Variants in ABHD3 observed in about 807,000 individuals in gnomAD.
ABHD3 encodes abhydrolase domain containing 3, phospholipase.
In ABHD3, 46 loss-of-function variants were observed where a neutral mutation model predicts 48.8. The ratio of observed to expected loss-of-function variants is 0.94; its 90% CI spans 0.74 to 1.20. The LOEUF is 1.20. Ranked by LOEUF, ABHD3 falls within the 50% of genes most tolerant of loss-of-function variation. ABHD3 has a pLI of 0.00. For synonymous variants in ABHD3, 192 were observed against 183.7 expected, an observed-to-expected ratio of 1.04 and a Z score of -0.36; for missense variants, 490 against 497.8, an observed-to-expected ratio of 0.98 and a Z score of 0.15.
intron 5 of ABHD3, among the ~76,000 whole-genome samples, chr18:21,662,966 G>A (rs953880076): frequency 9.2e-5 from 14 of 152,210 alleles, no homozygotes; most frequent in African/African-American, 3.4e-4. Context: ...ATGGGGGAAA[G>A]GAAAGTGACG....
chr18:21,664,047 A>C, intron 5 of ABHD3, 71 bp downstream of exon 5: 1 of 1,521,108 alleles, frequency 6.6e-7, no homozygotes. Flanking sequence ...GCTAGCTTAT[A>C]GTCCTCTCAA....
At chr18:21,669,164 T>C (rs2039703021) in intron 4 of ABHD3, among the ~76,000 whole-genome samples, 1 of 152,166 alleles carries the variant, frequency 6.6e-6, no homozygotes, top group Non-Finnish European at 1.5e-5. Flanking sequence ...GCTGTGATCA[T>C]GACACTGCAC....
In ABHD3 at chr18:21,679,472, C is replaced by T. The variant is rs552913492; in HGVS notation, c.555+4448G>A. On this transcript the variant is annotated intron_variant, in intron 4 of 8. Transcript: ENST00000289119. The stretch of plus-strand genomic sequence containing the variant: ...TACTTCTTATACCCTAATGATCTAA[C>T]GAGTTAATACAGTAGTAGTTATGCC... Among the ~76,000 whole-genome samples, 28 of 152,290 alleles carry T rather than the reference C, an allele frequency of 1.8e-4. 2 individuals are homozygous for T. Among genetic ancestry groups the T allele is most frequent in the South Asian group, 1.7e-3 (8 of 4,832 alleles).
intron 4 of ABHD3, chr18:21,683,441 A>G (rs1056372620): frequency 5.0e-6 from 2 of 398,616 alleles, no homozygotes; most frequent in Non-Finnish European, 1.1e-5. Flanking sequence ...TGTAAATTTC[A>G]TAAGTGGAAA....
intron 3 of ABHD3, among the ~76,000 whole-genome samples, chr18:21,699,620 T>C (rs1598565754): frequency 6.6e-6 from 1 of 152,346 alleles, no homozygotes; most frequent in East Asian, 1.9e-4. Flanking sequence ...CTTTGACCAG[T>C]AGCACTGTGG....
intron 4 of ABHD3, among the ~76,000 whole-genome samples, chr18:21,668,910 A>G (rs2039696419): frequency 6.6e-6 from 1 of 152,174 alleles, no homozygotes; most frequent in Admixed American, 6.5e-5. Context: ...ACACTGCAAT[A>G]GACACTTAAA....
chr18:21,697,804 A>G (rs531763565), intron 3 of ABHD3, among the ~76,000 whole-genome samples: 1 of 152,342 alleles, frequency 6.6e-6, no homozygotes, highest in South Asian at 2.1e-4. Flanking sequence ...ACAGAAAAGT[A>G]CTTTGTTAGT....
At chr18:21,699,530 A>G (rs2040459366) in intron 3 of ABHD3, among the ~76,000 whole-genome samples, 1 of 152,020 alleles carries the variant, frequency 6.6e-6, no homozygotes, top group Admixed American at 6.6e-5. Context: ...GGTAGGTTGC[A>G]AAAATATTTT....
intron 8 of ABHD3, 98 bp from the exon 9 acceptor site, chr18:21,651,861 T>C: frequency 9.1e-7 from 1 of 1,102,128 alleles, no homozygotes; most frequent in Non-Finnish European, 1.3e-6. Flanking sequence ...CTTTATCATG[T>C]CTAATAAACA....
intron 4 of ABHD3, among the ~76,000 whole-genome samples, chr18:21,681,866 G>C (rs1043596586): frequency 6.6e-6 from 1 of 152,164 alleles, no homozygotes; most frequent in Non-Finnish European, 1.5e-5. Context: ...GCCAGGTGCA[G>C]TGGCTCACAC....
intron 4 of ABHD3, among the ~76,000 whole-genome samples, chr18:21,668,076 G>A (rs529500984): frequency 8.6e-5 from 13 of 151,024 alleles, no homozygotes; most frequent in Admixed American, 3.3e-4. Flanking sequence ...TGGCAGGCAC[G>A]TGTAGTCCCA....
In ABHD3 at chr18:21,702,441, A is replaced by T; in HGVS notation, c.384T>A (p.Asp128Glu). 6.2e-7 allele frequency: 1 copy of T among 1,613,490 alleles called. No homozygotes were observed. Among genetic ancestry groups the T allele is most frequent in the Non-Finnish European group, 8.5e-7 (1 of 1,179,686 alleles). The change falls in exon 3 of 9, where the codon GAT becomes GAA. Residue 128 changes from aspartate (D) to glutamate (E), a missense_variant. Transcript: ENST00000289119. Reference sequence around the variant, plus strand: ...TGGCATCCATATAACACGTACTGTTATCATTATCAAACCAGTCCAGTGAAA... The same window carrying T: ...TGGCATCCATATAACACGTACTGTTTTCATTATCAAACCAGTCCAGTGAAA... ...GQISLDWFDN[D>E]NSTCYMDAST... is the part of the protein sequence containing the mutation.
intron 5 of ABHD3, among the ~76,000 whole-genome samples, chr18:21,661,598 T>A (rs908518108): frequency 9.2e-5 from 14 of 151,772 alleles, no homozygotes; most frequent in Non-Finnish European, 1.9e-4. Context: ...ACCACTGCAC[T>A]CCAGTCCAGG....
At chr18:21,670,657 T>C (rs1053101818) in intron 4 of ABHD3, among the ~76,000 whole-genome samples, 4 of 152,188 alleles carry the variant, frequency 2.6e-5, no homozygotes, top group African/African-American at 9.7e-5. Context: ...TTGCCACCTG[T>C]GACCTTCACC....
In ABHD3 at chr18:21,704,661, T is replaced by C; in HGVS notation, c.5A>G (p.Gln2Arg). ...CATCCGCAGGTCCATGGCCAGGCGCTGCATGGCCCCCGAGCGCGGCGCGCG... is the reference window on the plus strand; with the variant it reads ...CATCCGCAGGTCCATGGCCAGGCGCCGCATGGCCCCCGAGCGCGGCGCGCG... The part of the protein sequence containing the change: M[Q>R]RLAMDLRMLS... The change falls in exon 1 of 9, where the codon CAG becomes CGG. Residue 2 changes from glutamine (Q) to arginine (R), a missense_variant. Transcript: ENST00000289119. 6.7e-7 allele frequency: 1 copy of C among 1,499,586 alleles called. No homozygotes were observed. Among genetic ancestry groups the C allele is most frequent in the Non-Finnish European group, 8.9e-7 (1 of 1,126,424 alleles). The allele number at this position is 1,499,586 out of a possible 1,614,324, so 92.9% of individuals were successfully genotyped here. A position where few individuals can be genotyped will look rare whatever the true frequency, so the allele number is the denominator to read the frequency against.
intron 4 of ABHD3, among the ~76,000 whole-genome samples, chr18:21,666,135 G>A (rs1435845257): frequency 1.3e-5 from 2 of 152,044 alleles, no homozygotes; most frequent in Non-Finnish European, 2.9e-5. Context: ...CTGGGTTCAA[G>A]CAATTCTCCT....
intron 4 of ABHD3, among the ~76,000 whole-genome samples, chr18:21,667,970 G>A (rs2039672629): frequency 6.6e-6 from 1 of 151,880 alleles, no homozygotes; most frequent in Admixed American, 6.6e-5. Context: ...GGAGGCTGAG[G>A]CTGGTGGATC....
chr18:21,675,581 T>C (rs895573068), intron 4 of ABHD3, among the ~76,000 whole-genome samples: 12 of 151,900 alleles, frequency 7.9e-5, no homozygotes, highest in African/African-American at 2.9e-4. Context: ...GTGGTTTTGT[T>C]TTGTTTTGTC....
At chr18:21,702,971 T>C (rs759476269) in intron 2 of ABHD3, among the ~76,000 whole-genome samples, 2 of 152,208 alleles carry the variant, frequency 1.3e-5, no homozygotes, top group Non-Finnish European at 2.9e-5. Flanking sequence ...ATAGTATTCA[T>C]GAACTTACAG....
Sources: allele counts gnomAD v4.1 joint callset (sites outside exome capture counted in the v4.1 genomes callset), GRCh38; gene constraint gnomAD v4.1.1; transcripts MANE v1.5; gene names NCBI Gene and HGNC (gene_info 2026-07-23, HGNC 2026-07-21).